CLDN16: variants seen among roughly 807,000 people sequenced by gnomAD.
CLDN16 encodes claudin-16.
CLDN16 carries 13 observed loss-of-function variants against 24.6 expected under a neutral mutation model. That is an observed-to-expected ratio of 0.53 (90% confidence interval 0.34 to 0.84). The LOEUF (loss-of-function observed/expected upper bound fraction) is 0.84. Among genes scored for constraint, CLDN16 ranks in the 40% least tolerant of loss-of-function variants. The pLI, the probability that CLDN16 is intolerant of heterozygous loss-of-function variation, is 0.01. For missense variants in CLDN16, 298 were observed against 292.7 expected, an observed-to-expected ratio of 1.02 and a Z score of -0.13; for synonymous variants, 116 against 106.7, an observed-to-expected ratio of 1.09 and a Z score of -0.54.
intron 1 of CLDN16, among the ~76,000 whole-genome samples, chr3:190,392,561 T>C (rs985344095): frequency 2.0e-5 from 3 of 152,120 alleles, no homozygotes; most frequent in Non-Finnish European, 2.9e-5. Flanking sequence ...TATAGCACCA[T>C]GTAGCACACA....
At chr3:190,314,934 C>A in the CLDN16 span, among the ~76,000 whole-genome samples, 1 of 152,064 alleles carries the variant, frequency 6.6e-6, no homozygotes, top group Non-Finnish European at 1.5e-5. Context: ...AACACATGTT[C>A]CACGGACCAC....
At chr3:190,397,825 G>A (rs531747326) in intron 1 of CLDN16, among the ~76,000 whole-genome samples, 5 of 152,250 alleles carry the variant, frequency 3.3e-5, no homozygotes, top group African/African-American at 1.2e-4. Context: ...TCTAAATATG[G>A]TCATTGCAGG....
chr3:190,408,994 A>G (rs1384444562), intron 4 of CLDN16, among the ~76,000 whole-genome samples: 2 of 150,968 alleles, frequency 1.3e-5, no homozygotes, highest in Non-Finnish European at 3.0e-5. Flanking sequence ...TAATACATCA[A>G]AATAACTATT....
At chr3:190,381,418 A>G (rs1338241922) in intron 3 of CLDN16, among the ~76,000 whole-genome samples, 3 of 152,084 alleles carry the variant, frequency 2.0e-5, no homozygotes, top group African/African-American at 7.2e-5. Context: ...TTCATCTGGA[A>G]CTGAAGATCT....
At chr3:190,381,031 A>G (rs892066222) in intron 3 of CLDN16, among the ~76,000 whole-genome samples, 1 of 152,118 alleles carries the variant, frequency 6.6e-6, no homozygotes, top group Non-Finnish European at 1.5e-5. Context: ...AAGATGGGGA[A>G]CCCAAAGTTA....
At chr3:190,380,599 A>G (rs1416664167) in intron 3 of CLDN16, among the ~76,000 whole-genome samples, 9 of 152,106 alleles carry the variant, frequency 5.9e-5, no homozygotes, top group African/African-American at 2.2e-4. Flanking sequence ...GCTTTTGCAC[A>G]ACAAAAGAAA....
upstream of CLDN16, chr3:190,322,290 A>C (rs1187465515): frequency 3.6e-5 from 44 of 1,230,560 alleles, no homozygotes; most frequent in Non-Finnish European, 5.2e-5. Flanking sequence ...GGACTCCCGA[A>C]GGTGGCTGGG....
At chr3:190,349,153 C>T (rs1350914162) in intron 1 of CLDN16, among the ~76,000 whole-genome samples, 2 of 152,304 alleles carry the variant, frequency 1.3e-5, no homozygotes, top group East Asian at 1.9e-4. Context: ...TGTGTCCCCA[C>T]CCAAATCCAG....
At position 190,338,000 on chromosome 3, in the gene CLDN16, T is replaced by C. The variant is rs578244361; in HGVS notation, n.121+15339T>C. Among the ~76,000 whole-genome samples, 19 of 152,304 alleles carry C rather than the reference T, an allele frequency of 1.2e-4. 1 individual carries two copies. The highest frequency in any genetic ancestry group is 4.6e-4 in the African/African-American group (19 of 41,570). Reference sequence around the variant, plus strand: ...CCATCTTGAAGATGATGCCTGTAGATGGAGACACTATACTTCAGAAAGATG... The same window carrying C: ...CCATCTTGAAGATGATGCCTGTAGACGGAGACACTATACTTCAGAAAGATG... On this transcript the variant is annotated intron_variant and non_coding_transcript_variant, in intron 1 of 4. Coordinates refer to the CLDN16 transcript ENST00000468220.
At chr3:190,364,718 G>A (rs933680157) in intron 1 of CLDN16, among the ~76,000 whole-genome samples, 6 of 151,798 alleles carry the variant, frequency 4.0e-5, no homozygotes, top group Admixed American at 1.3e-4. Context: ...GCCCTTTATC[G>A]TGCTGGGTCC....
chr3:190,324,841 A>G (rs965514856), intron 1 of CLDN16, among the ~76,000 whole-genome samples: 1 of 152,166 alleles, frequency 6.6e-6, no homozygotes, highest in South Asian at 2.1e-4. Context: ...TAAATCTATC[A>G]ACTTAAGAGG....
intron 1 of CLDN16, among the ~76,000 whole-genome samples, chr3:190,326,048 C>A (rs550418842): frequency 1.3e-5 from 2 of 152,080 alleles, no homozygotes; most frequent in African/African-American, 2.4e-5. Flanking sequence ...AAGCACAAAC[C>A]TTTTGAATCC....
intron 1 of CLDN16, among the ~76,000 whole-genome samples, chr3:190,335,023 C>CTTTTTTT (rs57744577): frequency 3.8e-4 from 51 of 134,278 alleles, no homozygotes; most frequent in Middle Eastern, 8.0e-3. Context: ...TTTCTTTTTT[C>CTTTTTTT]TTTTTTTTTT....
At chr3:190,326,432 CA>C (rs982357516) in intron 1 of CLDN16, among the ~76,000 whole-genome samples, 79 of 152,186 alleles carry the variant, frequency 5.2e-4, no homozygotes, top group Non-Finnish European at 5.6e-4. Flanking sequence ...GAGAAGGCAG[CA>C]ATGGCAGGGG....
chr3:190,297,566 A>C, the CLDN16 span, among the ~76,000 whole-genome samples: 1 of 131,814 alleles, frequency 7.6e-6, no homozygotes, highest in Non-Finnish European at 1.6e-5. Flanking sequence ...TATATAATAT[A>C]TAGTATATAA....
At chr3:190,334,571 T>G (rs1201264877) in intron 1 of CLDN16, among the ~76,000 whole-genome samples, 1 of 152,258 alleles carries the variant, frequency 6.6e-6, no homozygotes, top group Non-Finnish European at 1.5e-5. Flanking sequence ...TCTTTCCACT[T>G]GCATTCATAG....
At chr3:190,405,008 T>C in intron 3 of CLDN16, 82 bp downstream of exon 3, 1 of 1,421,236 alleles carries the variant, frequency 7.0e-7, no homozygotes, top group Non-Finnish European at 9.9e-7. Flanking sequence ...GTGCTGAAGC[T>C]GCTCATTTTC....
chr3:190,343,760 G>A (rs1278942640), intron 1 of CLDN16, among the ~76,000 whole-genome samples: 1 of 151,948 alleles, frequency 6.6e-6, no homozygotes, highest in Admixed American at 6.6e-5. Flanking sequence ...AAATGGCAGG[G>A]GAGTCAAATC....
upstream of CLDN16, among the ~76,000 whole-genome samples, chr3:190,384,285 A>G (rs1438152296): frequency 1.3e-5 from 2 of 152,208 alleles, no homozygotes; most frequent in African/African-American, 4.8e-5. Flanking sequence ...TAATAAATAT[A>G]GAGGGAACAT....
Sources: allele counts gnomAD v4.1 joint callset (sites outside exome capture counted in the v4.1 genomes callset), GRCh38; gene constraint gnomAD v4.1.1; transcripts MANE v1.5; gene names NCBI Gene and HGNC (gene_info 2026-07-23, HGNC 2026-07-21).